PRKAB2: variants seen among roughly 807,000 people sequenced by gnomAD.
PRKAB2 encodes protein kinase AMP-activated non-catalytic subunit beta 2.
PRKAB2 carries 18 observed loss-of-function variants against 29.8 expected under a neutral mutation model. The observed-to-expected ratio is 0.60, with a 90% CI of 0.42 to 0.89. PRKAB2 has a LOEUF of 0.89. PRKAB2 is among the 40% of genes least tolerant of loss of function. PRKAB2 has a pLI of 0.00. For missense variants in PRKAB2, 270 were observed against 344.3 expected (o/e 0.78, Z 1.71); for synonymous variants, 136 against 125.9 (o/e 1.08, Z -0.54).
Position 147,172,460 on chromosome 1 carries a change from A to T in PRKAB2, c.-55T>A. On this transcript the variant is annotated 5_prime_UTR_variant, in exon 1 of 8. Transcript: ENST00000254101. ...CGATGCGCTCCCTCCTCCAAGGGCC[A>T]CTGATGTGATGGCTGTTCTGCAGAT... is the stretch of plus-strand genomic sequence containing the variant. 2.2e-6 allele frequency: 1 copy of T among 451,170 alleles called. No individual in the cohort carries two copies. Among genetic ancestry groups the T allele is most frequent in the Non-Finnish European group, 3.9e-6 (1 of 253,774 alleles). The allele number at this position is 451,170 out of a possible 1,614,324, so 27.9% of individuals were successfully genotyped here.
chr1:147,172,456 G>A lies in PRKAB2; in HGVS notation c.-51C>T. The A allele has an allele frequency of 2.2e-6, 1 of 456,684 alleles. No individual in the cohort carries two copies. Among genetic ancestry groups the A allele is most frequent in the Non-Finnish European group, 3.9e-6 (1 of 257,174 alleles). 28.3% of individuals were successfully genotyped at this position (456,684 alleles called of 1,614,324 possible). A position where few individuals can be genotyped will look rare whatever the true frequency, so the allele number is the denominator to read the frequency against. On this transcript the variant is annotated 5_prime_UTR_variant, in exon 1 of 8. Coordinates refer to ENST00000254101, the MANE Select transcript of PRKAB2 (RefSeq NM_005399.5). ...CGGGCGATGCGCTCCCTCCTCCAAG[G>A]GCCACTGATGTGATGGCTGTTCTGC...
intron 7 of PRKAB2, chr1:147,160,886 A>T (rs1653918274): frequency 6.6e-6 from 1 of 152,146 alleles, no homozygotes; most frequent in African/African-American, 2.4e-5. Flanking sequence ...AATTAAATTC[A>T]ATAATATATT....
chr1:147,162,614 T>C, intron 5 of PRKAB2, 41 bp from the exon 6 acceptor site: 1 of 1,557,672 alleles, frequency 6.4e-7, no homozygotes, highest in South Asian at 1.2e-5. Flanking sequence ...AGTTGGAGAA[T>C]TAGCAAGAAT....
In PRKAB2 at chr1:147,157,218, T is replaced by C. The variant is rs922857198; in HGVS notation, c.*2347A>G. ...CTTCTCTTCCTCCCTCTCTTCCAAATAGACTGAGATAAGGCTTCTCAGAAC... is the reference window on the plus strand; with the variant it reads ...CTTCTCTTCCTCCCTCTCTTCCAAACAGACTGAGATAAGGCTTCTCAGAAC... On this transcript the variant is annotated 3_prime_UTR_variant, in exon 8 of 8. Coordinates refer to ENST00000254101, the MANE Select transcript of PRKAB2 (RefSeq NM_005399.5). 2 of 152,096 alleles carry C rather than the reference T, an allele frequency of 1.3e-5. No individual in the cohort carries two copies. Among genetic ancestry groups the C allele is most frequent in the Non-Finnish European group, 1.5e-5 (1 of 68,018 alleles). 9.4% of individuals were successfully genotyped at this position (152,096 alleles called of 1,614,324 possible). A position where few individuals can be genotyped will look rare whatever the true frequency, so the allele number is the denominator to read the frequency against.
At chr1:147,167,023 T>C (rs1654284582) in intron 3 of PRKAB2, 84 bp from the exon 4 acceptor site, 6 of 1,124,292 alleles carry the variant, frequency 5.3e-6, no homozygotes, top group Non-Finnish European at 7.9e-6. Context: ...CATAGTATCA[T>C]ATGAATAATT....
intron 1 of PRKAB2, 80 bp from the exon 2 acceptor site, chr1:147,172,247 C>G (rs1654686555): frequency 2.9e-6 from 4 of 1,400,674 alleles, no homozygotes; most frequent in South Asian, 3.0e-5. Context: ...CCCTGCGCCT[C>G]GGGACAGGGC....
Position 147,156,799 on chromosome 1 carries a change from G to C in PRKAB2, c.*2766C>G, listed in dbSNP as rs1156765492. ...GGAGAGAATTGGAACAAGATGAAAA[G>C]AGAAGATGGTTATACACTGCTAATT... On this transcript the variant is annotated 3_prime_UTR_variant, in exon 8 of 8. Coordinates refer to ENST00000254101, the MANE Select transcript of PRKAB2 (RefSeq NM_005399.5). The C allele has an allele frequency of 6.6e-6, 1 of 152,126 alleles. No homozygotes were observed. The highest frequency in any genetic ancestry group is 2.4e-5 in the African/African-American group (1 of 41,416). 9.4% of individuals were successfully genotyped at this position (152,126 alleles called of 1,614,324 possible).
At position 147,156,545 on chromosome 1, in the gene PRKAB2, C is replaced by G. The variant is rs1653682714; in HGVS notation, c.*3020G>C. On this transcript the variant is annotated 3_prime_UTR_variant, in exon 8 of 8. Coordinates refer to ENST00000254101, the MANE Select transcript of PRKAB2 (RefSeq NM_005399.5). ...TGGATTCTTCTTTTACAAAGTTTCT[C>G]TACCATACAAACATACGTTTTAAAA... 6.6e-6 allele frequency: 1 copy of G among 152,158 alleles called. No individual in the cohort carries two copies. Among genetic ancestry groups the G allele is most frequent in the Admixed American group, 6.6e-5 (1 of 15,260 alleles). 9.4% of individuals were successfully genotyped at this position (152,158 alleles called of 1,614,324 possible).
chr1:147,165,057 G>T lies in PRKAB2; in HGVS notation c.538+1441C>A, dbSNP rs72706493. ...TGATTACACTATTAATAATAGTCTC[G>T]CTCTGTCGCCCAGGCTGGAGTGCAG... On this transcript the variant is annotated intron_variant, in intron 5 of 7. Coordinates refer to ENST00000254101, the MANE Select transcript of PRKAB2 (RefSeq NM_005399.5). 2.4e-3 allele frequency among the ~76,000 whole-genome samples: 372 copies of T among 152,180 alleles called. 1 individual carries two copies. The highest frequency in any genetic ancestry group is 3.3e-3 in the Non-Finnish European group (224 of 68,008).
rs1653808923 is a variant in PRKAB2, at chr1:147,158,955, G to T, written c.*610C>A. On this transcript the variant is annotated 3_prime_UTR_variant, in exon 8 of 8. Transcript: ENST00000254101. ...CCCAATAAGTTTTGTGTTAGAGAGGGGTCAGGTATGGGATCTGAAGGAGGC... is the reference window on the plus strand; with the variant it reads ...CCCAATAAGTTTTGTGTTAGAGAGGTGTCAGGTATGGGATCTGAAGGAGGC... 6.6e-6 allele frequency: 1 copy of T among 152,220 alleles called. No homozygotes were observed. The highest frequency in any genetic ancestry group is 1.5e-5 in the Non-Finnish European group (1 of 68,094). 9.4% of individuals were successfully genotyped at this position (152,220 alleles called of 1,614,324 possible).
rs782386477 is a variant in PRKAB2 at position 147,172,079 on chromosome 1, C to G, written c.66G>C (p.Glu22Asp). Residue 22 changes from glutamate to aspartate, a missense_variant, in exon 2 of 8, where the codon GAG (glutamate) becomes GAC (aspartate). Physicochemically the swap from Glu to Asp is conservative, Grantham distance 45. This residue lies in a region of PRKAB2 where 228 missense variants were observed against 255.5 expected (regional missense o/e 0.89). Transcript: ENST00000254101. Reference sequence around the variant, plus strand: ...TCCCCGGGGCATGGCCGCCTGCGCCCTCGGAGCGTGCAGCCTTGGCGCCGT... The same window carrying G: ...TCCCCGGGGCATGGCCGCCTGCGCCGTCGGAGCGTGCAGCCTTGGCGCCGT... Reference protein sequence around the residue: ...ERHGAKAARSEGAGGHAPGKE... With the variant: ...ERHGAKAARSDGAGGHAPGKE... 1.4e-4 allele frequency: 223 copies of G among 1,569,502 alleles called. No homozygotes were observed. Among genetic ancestry groups the G allele is most frequent in the Non-Finnish European group, 1.9e-4 (217 of 1,158,156 alleles).
intron 3 of PRKAB2, among the ~76,000 whole-genome samples, chr1:147,167,394 A>C (rs1242246967): frequency 5.9e-5 from 9 of 152,226 alleles, no homozygotes; most frequent in Non-Finnish European, 1.3e-4. Context: ...CTTTGGAAGC[A>C]ACAAATAACA....
In PRKAB2 at chr1:147,158,286, AATG is replaced by A. The variant is rs1553912653; in HGVS notation, c.*1276_*1278del. 2.0e-5 allele frequency: 3 copies of A among 152,316 alleles called. No homozygotes were observed. The highest frequency in any genetic ancestry group is 4.8e-5 in the African/African-American group (2 of 41,574). The allele number at this position is 152,316 out of a possible 1,614,324, so 9.4% of individuals were successfully genotyped here. A position where few individuals can be genotyped will look rare whatever the true frequency, so the allele number is the denominator to read the frequency against. On this transcript the variant is annotated 3_prime_UTR_variant, in exon 8 of 8. Coordinates refer to ENST00000254101, the MANE Select transcript of PRKAB2 (RefSeq NM_005399.5). The stretch of plus-strand genomic sequence containing the variant: ...GATTTTGTTAACATTTGGTGCAAAG[AATG>A]ATACTTTTCATGGTTGGGAATACTA...
Position 147,166,530 on chromosome 1 carries a change from T to C in PRKAB2, c.506A>G (p.Asp169Gly). 1 of 1,613,904 alleles carries C rather than the reference T, an allele frequency of 6.2e-7. No individual in the cohort carries two copies. Among genetic ancestry groups the C allele is most frequent in the Non-Finnish European group, 8.5e-7 (1 of 1,179,878 alleles). The change falls in exon 5 of 8, where the codon GAT becomes GGT. Residue 169 changes from aspartate (D) to glycine (G), a missense_variant. Physicochemically the swap from Asp to Gly is moderately conservative, Grantham distance 94. Around this residue, in one of 2 missense-constraint regions of PRKAB2, gnomAD observed 228 missense variants for 255.5 expected, o/e 0.89. Transcript: ENST00000254101. ...AGATGTCTCAGAACTTTCCATAGAATCTAACTTTAAAGCATCGAACACCTC... is the reference window on the plus strand; with the variant it reads ...AGATGTCTCAGAACTTTCCATAGAACCTAACTTTAAAGCATCGAACACCTC... ...DFEVFDALKL[D>G]SMESSETSCR... is the part of the protein sequence containing the mutation.
At chr1:147,166,683 T>G in intron 4 of PRKAB2, 65 bp from the exon 5 acceptor site, 1 of 1,590,180 alleles carries the variant, frequency 6.3e-7, no homozygotes, top group Non-Finnish European at 8.6e-7. Flanking sequence ...CATCCAACCT[T>G]CCTCTTTTAC....
chr1:147,162,375 ACTG>A, intron 6 of PRKAB2, 62 bp downstream of exon 6: 1 of 1,471,752 alleles, frequency 6.8e-7, no homozygotes, highest in Non-Finnish European at 9.3e-7. Context: ...CTCTAGGATT[ACTG>A]AACTTTGGTC....
chr1:147,172,212 C>G, intron 1 of PRKAB2, 45 bp from the exon 2 acceptor site: 4 of 1,460,088 alleles, frequency 2.7e-6, no homozygotes, highest in Non-Finnish European at 3.6e-6. Flanking sequence ...TCAGCCGCCG[C>G]GTCAGGGGCG....
rs1241836054 is a variant in PRKAB2 at position 147,155,175 on chromosome 1, CAT to C, written c.*4388_*4389del. 1 of 152,506 alleles carries C rather than the reference CAT, an allele frequency of 6.6e-6. No homozygotes were observed. The highest frequency in any genetic ancestry group is 1.5e-5 in the Non-Finnish European group (1 of 68,014). 9.4% of individuals were successfully genotyped at this position (152,506 alleles called of 1,614,324 possible). A position where few individuals can be genotyped will look rare whatever the true frequency, so the allele number is the denominator to read the frequency against. ...CACAACATTTCTGTATGTATCATAT[CAT>C]ATAATTTCCAGGTGTGTCAGAGTCC... On this transcript the variant is annotated 3_prime_UTR_variant, in exon 8 of 8. Transcript: ENST00000254101.
chr1:147,172,313 G>C, intron 1 of PRKAB2, 116 bp downstream of exon 1: 1 of 935,518 alleles, frequency 1.1e-6, no homozygotes, highest in South Asian at 1.8e-5. Flanking sequence ...CTCCTGGCCT[G>C]CGGGAACGCC....
Sources: allele counts gnomAD v4.1 joint callset (sites outside exome capture counted in the v4.1 genomes callset), GRCh38; gene constraint gnomAD v4.1.1; regional missense constraint gnomAD v4.1.1; transcripts MANE v1.5; gene names NCBI Gene and HGNC (gene_info 2026-07-23, HGNC 2026-07-21).